Variants in ADGRL2 observed in about 807,000 individuals in gnomAD.
ADGRL2 encodes the protein calcium-independent alpha-latrotoxin receptor 2.
Under a neutral mutation model 157.4 loss-of-function variants are expected in ADGRL2, and 44 were observed. The ratio of observed to expected loss-of-function variants is 0.28; its 90% CI spans 0.22 to 0.36. The LOEUF is 0.36. ADGRL2 is among the 10% of genes least tolerant of loss of function. ADGRL2 has a pLI of 1.00. For synonymous variants in ADGRL2, 585 were observed against 624.7 expected (o/e 0.94, Z 0.95); for missense variants, 1,510 against 1,768.9 (o/e 0.85, Z 2.63).
intron 1 of ADGRL2, among the ~76,000 whole-genome samples, chr1:81,746,815 A>G (rs201815601): frequency 6.6e-6 from 1 of 151,328 alleles, no homozygotes; most frequent in East Asian, 2.0e-4. Context: ...GAATTAGTAT[A>G]CTAATTCAAA....
chr1:81,852,356 G>A (rs893446112), intron 2 of ADGRL2, among the ~76,000 whole-genome samples: 7 of 152,166 alleles, frequency 4.6e-5, no homozygotes, highest in South Asian at 4.1e-4. Flanking sequence ...CCAGGTAACC[G>A]CCTGGTAAGA....
At chr1:81,936,882 T>G in intron 4 of ADGRL2, 45 bp downstream of exon 4, 1 of 1,136,104 alleles carries the variant, frequency 8.8e-7, no homozygotes. Flanking sequence ...CCAGCATTAC[T>G]TGTTGATGCT....
chr1:81,726,590 C>T (rs918864983), intron 1 of ADGRL2, among the ~76,000 whole-genome samples: 70 of 152,190 alleles, frequency 4.6e-4, no homozygotes, highest in African/African-American at 1.6e-3. Context: ...AGGAGTCGTT[C>T]CCCAAAGAAA....
intron 1 of ADGRL2, among the ~76,000 whole-genome samples, chr1:81,430,285 G>C (rs1432246918): frequency 2.0e-5 from 3 of 152,174 alleles, no homozygotes; most frequent in Admixed American, 1.3e-4. Flanking sequence ...AATAAAGCAA[G>C]GTTAAAGAAT....
chr1:81,712,039 T>C (rs2083948820), intron 1 of ADGRL2, among the ~76,000 whole-genome samples: 2 of 152,220 alleles, frequency 1.3e-5, no homozygotes, highest in African/African-American at 4.8e-5. Context: ...AGGAAGTCTT[T>C]GGCTAATCGA....
intron 1 of ADGRL2, among the ~76,000 whole-genome samples, chr1:81,810,594 G>T (rs936095262): frequency 2.6e-5 from 4 of 151,736 alleles, no homozygotes; most frequent in Admixed American, 6.6e-5. Flanking sequence ...TACAATTCCT[G>T]ACTTTCCTAT....
At chr1:81,649,790 A>T (rs2082377777) in intron 3 of ADGRL2, among the ~76,000 whole-genome samples, 1 of 152,178 alleles carries the variant, frequency 6.6e-6, no homozygotes, top group Non-Finnish European at 1.5e-5. Flanking sequence ...CACAGCTGTG[A>T]GTTAAACGCA....
intron 1 of ADGRL2, among the ~76,000 whole-genome samples, chr1:81,809,383 C>A (rs1324438325): frequency 6.6e-6 from 1 of 151,866 alleles, no homozygotes; most frequent in East Asian, 1.9e-4. Flanking sequence ...TTTTAAAATG[C>A]ATTAAGTAAC....
At chr1:81,605,230 C>T (rs1570619130) in intron 3 of ADGRL2, among the ~76,000 whole-genome samples, 2 of 152,182 alleles carry the variant, frequency 1.3e-5, no homozygotes, top group African/African-American at 2.4e-5. Context: ...CCTGGAGATT[C>T]AGCCCTGCTT....
intron 2 of ADGRL2, among the ~76,000 whole-genome samples, chr1:81,558,100 G>A (rs1292028985): frequency 6.6e-6 from 1 of 152,138 alleles, no homozygotes; most frequent in Non-Finnish European, 1.5e-5. Context: ...TTCAGTGCCT[G>A]GCACACAGTA....
intron 2 of ADGRL2, among the ~76,000 whole-genome samples, chr1:81,844,696 G>A (rs2092719550): frequency 6.6e-6 from 1 of 152,146 alleles, no homozygotes. Flanking sequence ...AACTCCTTTT[G>A]TCAACTTGAC....
chr1:81,784,463 C>A (rs955344237), intron 2 of ADGRL2, among the ~76,000 whole-genome samples: 6 of 152,150 alleles, frequency 3.9e-5, no homozygotes, highest in Non-Finnish European at 8.8e-5. Flanking sequence ...TGCAGTGGCT[C>A]ATGCCTGTAA....
At chr1:81,395,923 C>A (rs980008220) in intron 1 of ADGRL2, among the ~76,000 whole-genome samples, 11 of 152,064 alleles carry the variant, frequency 7.2e-5, no homozygotes, top group African/African-American at 2.7e-4. Context: ...ATGCTAGTAC[C>A]ATGTTATTTA....
intron 3 of ADGRL2, among the ~76,000 whole-genome samples, chr1:81,629,308 A>G (rs1275036877): frequency 6.6e-6 from 1 of 152,196 alleles, no homozygotes; most frequent in Non-Finnish European, 1.5e-5. Context: ...TAAATATTAT[A>G]TCATATTGAA....
At chr1:81,401,747 TCCAGATG>T (rs1282534311) in intron 1 of ADGRL2, among the ~76,000 whole-genome samples, 2 of 152,258 alleles carry the variant, frequency 1.3e-5, no homozygotes, top group East Asian at 3.9e-4. Context: ...CAGCATCTTT[TCCAGATG>T]CCTGTTCGAA....
chr1:81,335,778 T>A (rs1570651435), intron 1 of ADGRL2, among the ~76,000 whole-genome samples: 1 of 151,954 alleles, frequency 6.6e-6, no homozygotes, highest in East Asian at 1.9e-4. Context: ...CTACACGTAT[T>A]AAATCCTACT....
At chr1:81,972,058 A>C in intron 17 of ADGRL2, 140 bp downstream of exon 17, 1 of 434,318 alleles carries the variant, frequency 2.3e-6, no homozygotes, top group Non-Finnish European at 4.1e-6. Context: ...ATAATAGTAT[A>C]TTTTAAATAT....
chr1:81,615,766 A>G (rs929869784), intron 3 of ADGRL2, among the ~76,000 whole-genome samples: 1 of 152,230 alleles, frequency 6.6e-6, no homozygotes, highest in Non-Finnish European at 1.5e-5. Context: ...CAAAAAATCA[A>G]TAATGAAAAA....
intron 2 of ADGRL2, among the ~76,000 whole-genome samples, chr1:81,479,622 GAGAC>G (rs1287470869): frequency 6.6e-6 from 1 of 152,136 alleles, no homozygotes; most frequent in African/African-American, 2.4e-5. Context: ...AACCTTACGA[GAGAC>G]AGGGAAAACA....
Sources: gnomAD v4.1 joint callset for allele counts (sites outside exome capture counted in the v4.1 genomes callset) on GRCh38, gnomAD v4.1.1 for gene constraint, MANE v1.5 for transcripts, NCBI Gene and HGNC (gene_info 2026-07-23, HGNC 2026-07-21) for gene names.